The following NEBL variants were observed in gnomAD, a reference collection of about 807,000 sequenced individuals.
The protein encoded by NEBL is LIM and SH3 protein 2.
A neutral mutation model predicts 140.2 loss-of-function variants in NEBL; 122 were observed. The ratio of observed to expected loss-of-function variants is 0.87; its 90% CI spans 0.75 to 1.01. The LOEUF (loss-of-function observed/expected upper bound fraction) is 1.01. NEBL is among the 50% of genes least tolerant of loss of function. The probability of loss-of-function intolerance (pLI) is 0.00; values close to 1 mark genes in which losing one functional copy is unlikely to be tolerated. For missense variants in NEBL, 1,365 were observed against 1,231.3 expected (o/e 1.11, Z -1.62); for synonymous variants, 436 against 398.9 (o/e 1.09, Z -1.11).
At chr10:21,045,025 G>A (rs1350017112) in intron 2 of NEBL, among the ~76,000 whole-genome samples, 9 of 152,146 alleles carry the variant, frequency 5.9e-5, no homozygotes, top group East Asian at 1.9e-4. Context: ...TCAGAAGAAC[G>A]TTAATTATAG....
intron 2 of NEBL, among the ~76,000 whole-genome samples, chr10:21,083,212 G>C (rs573117139): frequency 6.6e-6 from 1 of 152,186 alleles, no homozygotes; most frequent in Admixed American, 6.5e-5. Flanking sequence ...AGTTAGGAAG[G>C]CCTATCAGGG....
chr10:20,921,819 C>A (rs1589015726), intron 4 of NEBL, among the ~76,000 whole-genome samples: 1 of 151,982 alleles, frequency 6.6e-6, no homozygotes, highest in Non-Finnish European at 1.5e-5. Flanking sequence ...ATGCACACCC[C>A]CACACACATA....
At chr10:20,952,422 G>A (rs1235323256) in intron 4 of NEBL, among the ~76,000 whole-genome samples, 1 of 143,864 alleles carries the variant, frequency 7.0e-6, no homozygotes, top group South Asian at 2.2e-4. Flanking sequence ...GGGCAACAGC[G>A]TGAGACTCTG....
At chr10:20,906,225 C>T (rs910401072) in intron 4 of NEBL, among the ~76,000 whole-genome samples, 1 of 152,064 alleles carries the variant, frequency 6.6e-6, no homozygotes, top group African/African-American at 2.4e-5. Context: ...TATTAAAATG[C>T]ACCTCTTTTT....
At chr10:20,999,438 A>T (rs1837800001) in intron 3 of NEBL, among the ~76,000 whole-genome samples, 1 of 152,122 alleles carries the variant, frequency 6.6e-6, no homozygotes, top group Non-Finnish European at 1.5e-5. Context: ...CCCTACTAAA[A>T]ATTTAAAAAT....
At chr10:20,967,954 A>C (rs1041580122) in intron 3 of NEBL, among the ~76,000 whole-genome samples, 1 of 152,212 alleles carries the variant, frequency 6.6e-6, no homozygotes, top group Non-Finnish European at 1.5e-5. Flanking sequence ...GACAAAAAAC[A>C]TGAGTGGGAG....
chr10:21,036,672 G>A (rs1201132294), intron 2 of NEBL, among the ~76,000 whole-genome samples: 1 of 151,964 alleles, frequency 6.6e-6, no homozygotes, highest in Middle Eastern at 3.2e-3. Context: ...CAGGTCCTTT[G>A]CACCCTCCTT....
intron 2 of NEBL, among the ~76,000 whole-genome samples, chr10:21,042,174 C>T (rs1357752423): frequency 1.3e-5 from 2 of 152,226 alleles, no homozygotes; most frequent in African/African-American, 4.8e-5. Context: ...CTAGGTACTC[C>T]TCCAAGGACT....
chr10:21,263,822 G>A (rs567896747), intron 1 of NEBL, among the ~76,000 whole-genome samples: 210 of 152,164 alleles, frequency 1.4e-3, no homozygotes, highest in South Asian at 4.8e-3. Flanking sequence ...AAAATTAGCC[G>A]GGCGTGGTGG....
At chr10:21,260,262 G>A (rs1026642506) in intron 1 of NEBL, among the ~76,000 whole-genome samples, 2 of 152,180 alleles carry the variant, frequency 1.3e-5, no homozygotes, top group Admixed American at 1.3e-4. Context: ...ACAGGAGCAG[G>A]TCATCCAACC....
chr10:20,834,817 T>G (rs1235723304), intron 14 of NEBL, among the ~76,000 whole-genome samples: 1 of 152,176 alleles, frequency 6.6e-6, no homozygotes, highest in East Asian at 1.9e-4. Context: ...GTTCAAGAGG[T>G]GTAGAGAAAG....
At chr10:21,248,009 T>TAAA in intron 2 of NEBL, 2 of 222,500 alleles carry the variant, frequency 9.0e-6, no homozygotes, top group African/African-American at 4.8e-5. Flanking sequence ...GAAATTATGA[T>TAAA]TAAAAAAAAA....
chr10:21,127,375 C>T (rs1197206368), intron 2 of NEBL, among the ~76,000 whole-genome samples: 2 of 152,028 alleles, frequency 1.3e-5, no homozygotes, highest in Non-Finnish European at 2.9e-5. Context: ...CTAGAGAAGT[C>T]CATTGCAAAA....
chr10:21,157,429 G>A (rs1327960255), intron 2 of NEBL, among the ~76,000 whole-genome samples: 3 of 152,110 alleles, frequency 2.0e-5, no homozygotes, highest in South Asian at 2.1e-4. Context: ...AATTAGCTGG[G>A]TATGGTGGCA....
chr10:20,809,530 A>C (rs1837923594), intron 25 of NEBL, among the ~76,000 whole-genome samples: 1 of 152,198 alleles, frequency 6.6e-6, no homozygotes, highest in Non-Finnish European at 1.5e-5. Flanking sequence ...TGCAATCCAA[A>C]TAACTGTATT....
Position 20,927,134 on chromosome 10 carries a change from T to A in NEBL, c.357+34538A>T, listed in dbSNP as rs1833951163. 4.6e-5 allele frequency among the ~76,000 whole-genome samples: 7 copies of A among 152,272 alleles called. No individual in the cohort carries two copies. In the South Asian group the frequency reaches 1.5e-3, roughly 32 times the overall value. ...GAGCGGAGGATAACTAAGTTTCTAC[T>A]CTGGCCACTGTGTGTCCAGTGATAA... On this transcript the variant is annotated intron_variant, in intron 4 of 6. Transcript: ENST00000417816.
chr10:20,801,226 C>T (rs10734036), intron 26 of NEBL, among the ~76,000 whole-genome samples: 72,476 of 150,720 alleles, frequency 0.48, 18,634 homozygotes, highest in African/African-American at 0.67. Context: ...TTTTTATTTT[C>T]TTTTGAGGCA....
At chr10:21,285,075 A>G (rs765657911) in intron 1 of NEBL, among the ~76,000 whole-genome samples, 1 of 152,190 alleles carries the variant, frequency 6.6e-6, no homozygotes, top group Non-Finnish European at 1.5e-5. Flanking sequence ...AAATAAGAAA[A>G]GCACCATCCT....
intron 4 of NEBL, among the ~76,000 whole-genome samples, chr10:20,948,460 A>G (rs1172484995): frequency 6.6e-6 from 1 of 152,194 alleles, no homozygotes; most frequent in East Asian, 1.9e-4. Context: ...ATAATGGCTT[A>G]CCCTTCACAG....
Sources: allele counts gnomAD v4.1 joint callset (sites outside exome capture counted in the v4.1 genomes callset), GRCh38; gene constraint gnomAD v4.1.1; transcripts MANE v1.5; gene names NCBI Gene and HGNC (gene_info 2026-07-23, HGNC 2026-07-21).